PCDH15: variants seen among roughly 807,000 people sequenced by gnomAD.
The protein encoded by PCDH15 is protocadherin-15.
A neutral mutation model predicts 178.5 loss-of-function variants in PCDH15; 129 were observed. The ratio of observed to expected loss-of-function variants is 0.72; its 90% CI spans 0.63 to 0.84. The LOEUF (loss-of-function observed/expected upper bound fraction) is 0.84, where lower values mean the gene tolerates loss of function less well. Among genes scored for constraint, PCDH15 ranks in the 40% least tolerant of loss-of-function variants. The pLI is 0.00. For missense variants in PCDH15, 2,230 were observed against 2,099.9 expected (o/e 1.06, Z -1.21); for synonymous variants, 800 against 732.0 (o/e 1.09, Z -1.50).
At chr10:55,481,387 G>C (rs1339618206) in intron 2 of PCDH15, among the ~76,000 whole-genome samples, 4 of 151,546 alleles carry the variant, frequency 2.6e-5, no homozygotes, top group Admixed American at 1.3e-4. Flanking sequence ...TTTGGGATTT[G>C]TTTAGTATTG....
At chr10:54,519,708 C>T (rs1452632262) in intron 3 of PCDH15, among the ~76,000 whole-genome samples, 1 of 152,014 alleles carries the variant, frequency 6.6e-6, no homozygotes, top group Non-Finnish European at 1.5e-5. Context: ...ATTGGAAAAA[C>T]CTCCTTTAAA....
At chr10:54,584,513 A>C (rs191952932) in intron 2 of PCDH15, among the ~76,000 whole-genome samples, 1 of 152,288 alleles carries the variant, frequency 6.6e-6, no homozygotes, top group Admixed American at 6.5e-5. Context: ...CCATATTGAT[A>C]AAATTATCCC....
intron 2 of PCDH15, among the ~76,000 whole-genome samples, chr10:55,337,614 T>G (rs1409642019): frequency 6.6e-6 from 1 of 152,100 alleles, no homozygotes; most frequent in East Asian, 1.9e-4. Context: ...AAAGTGTACT[T>G]TGGATAGGGT....
intron 1 of PCDH15, among the ~76,000 whole-genome samples, chr10:54,751,866 A>T (rs1946275308): frequency 6.6e-6 from 1 of 152,164 alleles, no homozygotes; most frequent in African/African-American, 2.4e-5. Flanking sequence ...CTTTTTGACT[A>T]AAAGGCTTTC....
intron 2 of PCDH15, among the ~76,000 whole-genome samples, chr10:54,947,466 A>G (rs1409953141): frequency 6.6e-6 from 1 of 151,918 alleles, no homozygotes; most frequent in Non-Finnish European, 1.5e-5. Flanking sequence ...TCGTTATCCC[A>G]TTTAAATAAC....
chr10:54,406,677 C>A (rs780751026), intron 3 of PCDH15, among the ~76,000 whole-genome samples: 10 of 152,080 alleles, frequency 6.6e-5, no homozygotes, highest in Non-Finnish European at 1.5e-4. Flanking sequence ...ACCTTTGTAA[C>A]ACATGATGCT....
intron 26 of PCDH15, among the ~76,000 whole-genome samples, chr10:53,894,142 A>C (rs754359836): frequency 1.3e-5 from 2 of 152,222 alleles, no homozygotes; most frequent in Non-Finnish European, 2.9e-5. Flanking sequence ...ATGGGAAAAC[A>C]TAATGTCTGC....
chr10:54,895,797 T>A (rs960739796), intron 3 of PCDH15, among the ~76,000 whole-genome samples: 4 of 152,000 alleles, frequency 2.6e-5, no homozygotes, highest in African/African-American at 9.7e-5. Context: ...TCAGTCAAGG[T>A]TTTTTTTAGC....
intron 11 of PCDH15, chr10:54,189,527 C>T (rs558335775): frequency 4.3e-6 from 2 of 463,634 alleles, no homozygotes; most frequent in South Asian, 6.7e-5. Flanking sequence ...CATTGTGACC[C>T]ACATATAATG....
intron 1 of PCDH15, among the ~76,000 whole-genome samples, chr10:55,215,863 C>G (rs954080241): frequency 6.6e-6 from 1 of 151,898 alleles, no homozygotes; most frequent in Admixed American, 6.6e-5. Flanking sequence ...TCAGAGACAT[C>G]CAGGATTTCT....
intron 9 of PCDH15, among the ~76,000 whole-genome samples, chr10:54,217,260 T>C (rs975073708): frequency 1.3e-5 from 2 of 152,116 alleles, no homozygotes; most frequent in African/African-American, 2.4e-5. Flanking sequence ...TCAATCTAAA[T>C]GTATATTTAG....
chr10:55,459,689 G>A (rs1839631167), intron 2 of PCDH15, among the ~76,000 whole-genome samples: 1 of 151,996 alleles, frequency 6.6e-6, no homozygotes. Flanking sequence ...AGATATTTAA[G>A]TGGTTGACTA....
At chr10:54,577,059 A>G (rs1439252321) in intron 2 of PCDH15, among the ~76,000 whole-genome samples, 1 of 149,692 alleles carries the variant, frequency 6.7e-6, no homozygotes. Flanking sequence ...CACAGAATGT[A>G]TACCTGAAAG....
chr10:54,679,287 T>C (rs547411171), intron 1 of PCDH15, among the ~76,000 whole-genome samples: 4 of 151,902 alleles, frequency 2.6e-5, no homozygotes, highest in Admixed American at 2.0e-4. Flanking sequence ...AAATTTGCCC[T>C]GATGATTGGT....
chr10:54,165,026 T>C (rs2046077769), intron 13 of PCDH15, among the ~76,000 whole-genome samples: 1 of 152,194 alleles, frequency 6.6e-6, no homozygotes, highest in Admixed American at 6.5e-5. Context: ...GGAAAAATGA[T>C]ATAATGGGTT....
intron 8 of PCDH15, among the ~76,000 whole-genome samples, chr10:54,264,081 C>A (rs986286032): frequency 6.6e-6 from 1 of 152,126 alleles, no homozygotes; most frequent in Non-Finnish European, 1.5e-5. Flanking sequence ...CTGAAGGCTG[C>A]ACATCAGCTT....
intron 2 of PCDH15, among the ~76,000 whole-genome samples, chr10:54,657,602 C>T (rs2094429941): frequency 6.6e-6 from 1 of 152,124 alleles, no homozygotes; most frequent in Admixed American, 6.5e-5. Flanking sequence ...ACAAAGATTA[C>T]CCACAATCAA....
chr10:54,633,790 T>G (rs2093768678), intron 2 of PCDH15, among the ~76,000 whole-genome samples: 1 of 152,122 alleles, frequency 6.6e-6, no homozygotes, highest in East Asian at 1.9e-4. Flanking sequence ...TGCTAATGAA[T>G]GTACTTTCTA....
intron 3 of PCDH15, among the ~76,000 whole-genome samples, chr10:54,860,496 G>A (rs781456547): frequency 6.6e-6 from 1 of 151,976 alleles, no homozygotes; most frequent in Non-Finnish European, 1.5e-5. Flanking sequence ...CTTTTTTTAT[G>A]GCTGCATAGT....
Sources: allele counts gnomAD v4.1 joint callset (sites outside exome capture counted in the v4.1 genomes callset), GRCh38; gene constraint gnomAD v4.1.1; transcripts MANE v1.5; gene names NCBI Gene and HGNC (gene_info 2026-07-23, HGNC 2026-07-21).